CTNNA2: variants seen among roughly 807,000 people sequenced by gnomAD.
The protein encoded by CTNNA2 is catenin alpha 2, also known as catenin alpha-2.
In CTNNA2, 42 loss-of-function variants were observed where a neutral mutation model predicts 101.0. That is an observed-to-expected ratio of 0.42 (90% CI 0.32 to 0.54). The LOEUF (loss-of-function observed/expected upper bound fraction) is 0.54. CTNNA2 is among the 20% of genes least tolerant of loss of function. The probability of loss-of-function intolerance (pLI) is 0.14; values close to 1 mark genes in which losing one functional copy is unlikely to be tolerated. For synonymous variants in CTNNA2, 450 were observed against 456.4 expected (o/e 0.99, Z 0.18); for missense variants, 871 against 1,223.1 (o/e 0.71, Z 4.29).
At chr2:80,009,239 C>T (rs1693595705) in intron 7 of CTNNA2, among the ~76,000 whole-genome samples, 1 of 152,212 alleles carries the variant, frequency 6.6e-6, no homozygotes, top group Non-Finnish European at 1.5e-5. Flanking sequence ...CTTCTCCCCA[C>T]ACCTCCAGCT....
At chr2:80,215,387 G>T (rs1467177606) in intron 7 of CTNNA2, among the ~76,000 whole-genome samples, 6 of 152,108 alleles carry the variant, frequency 3.9e-5, no homozygotes, top group Non-Finnish European at 5.9e-5. Flanking sequence ...CCCTATCTTT[G>T]TGGTTTTATT....
At chr2:79,661,022 T>G (rs952948076) in intron 2 of CTNNA2, among the ~76,000 whole-genome samples, 6 of 152,214 alleles carry the variant, frequency 3.9e-5, no homozygotes, top group Admixed American at 3.9e-4. Flanking sequence ...AATCACTGTG[T>G]ATGATGTAAA....
chr2:79,413,280 A>C (rs1360552143), intron 4 of CTNNA2, among the ~76,000 whole-genome samples: 1 of 151,992 alleles, frequency 6.6e-6, no homozygotes, highest in Non-Finnish European at 1.5e-5. Context: ...GCTCATTTAG[A>C]GTCTATATAC....
At chr2:80,540,271 A>G (rs1691436077) in intron 9 of CTNNA2, among the ~76,000 whole-genome samples, 1 of 152,164 alleles carries the variant, frequency 6.6e-6, no homozygotes, top group Admixed American at 6.5e-5. Context: ...GTTGTAACAG[A>G]TATCTAGTTA....
intron 7 of CTNNA2, among the ~76,000 whole-genome samples, chr2:79,991,739 C>T (rs886851398): frequency 6.0e-4 from 91 of 152,212 alleles, no homozygotes; most frequent in African/African-American, 2.0e-3. Flanking sequence ...GGCCTCCATA[C>T]TTATTCATCC....
chr2:79,934,766 C>T (rs984994826), intron 7 of CTNNA2, among the ~76,000 whole-genome samples: 1 of 152,150 alleles, frequency 6.6e-6, no homozygotes, highest in Non-Finnish European at 1.5e-5. Flanking sequence ...ACATGGGACC[C>T]TTTGGTGTAA....
At chr2:80,215,101 G>T (rs1708171377) in intron 7 of CTNNA2, among the ~76,000 whole-genome samples, 1 of 152,034 alleles carries the variant, frequency 6.6e-6, no homozygotes, top group Non-Finnish European at 1.5e-5. Context: ...ATGGTTTTCA[G>T]CTCCATCAGG....
At chr2:79,544,607 A>G (rs990337568) in intron 1 of CTNNA2, among the ~76,000 whole-genome samples, 1 of 152,174 alleles carries the variant, frequency 6.6e-6, no homozygotes, top group African/African-American at 2.4e-5. Context: ...GGACATAGCT[A>G]TATTAGGTTT....
At chr2:79,989,335 G>C (rs1036261111) in intron 7 of CTNNA2, among the ~76,000 whole-genome samples, 2 of 152,168 alleles carry the variant, frequency 1.3e-5, no homozygotes, top group Non-Finnish European at 2.9e-5. Context: ...ACAAATTGGA[G>C]TATTAGGCTG....
chr2:79,506,268 A>C (rs1448369156), intron 5 of CTNNA2, among the ~76,000 whole-genome samples: 1 of 151,986 alleles, frequency 6.6e-6, no homozygotes, highest in Non-Finnish European at 1.5e-5. Flanking sequence ...ATTTTTTTCT[A>C]ACTCCCTAAA....
At chr2:79,307,600 A>G (rs1261563810) in intron 2 of CTNNA2, among the ~76,000 whole-genome samples, 1 of 152,010 alleles carries the variant, frequency 6.6e-6, no homozygotes, top group Admixed American at 6.6e-5. Context: ...TATATATATC[A>G]CCTTTTCTTT....
chr2:79,916,652 G>C (rs1241326498), intron 7 of CTNNA2, among the ~76,000 whole-genome samples: 1 of 147,646 alleles, frequency 6.8e-6, no homozygotes, highest in African/African-American at 2.5e-5. Flanking sequence ...GCATGATCTC[G>C]GCTAGCTGCA....
intron 3 of CTNNA2, among the ~76,000 whole-genome samples, chr2:79,856,688 T>C (rs558871818): frequency 6.6e-6 from 1 of 152,272 alleles, no homozygotes; most frequent in African/African-American, 2.4e-5. Flanking sequence ...CATTCCTGGG[T>C]CCCTTGATGC....
At position 80,007,884 on chromosome 2, in the gene CTNNA2, C is replaced by T. The variant is rs537367366; in HGVS notation, c.1056+98087C>T. Among the ~76,000 whole-genome samples, 15 of 152,282 alleles carry T rather than the reference C, an allele frequency of 9.9e-5. No individual in the cohort carries two copies. The South Asian group carries it at 1.7e-3, about 17-fold the overall frequency. Reference sequence around the variant, plus strand: ...CAGGTCAGGCCATGGGTTCAAGTTACACACGTGCTGGGAGATTCTTGCACA... The same window carrying T: ...CAGGTCAGGCCATGGGTTCAAGTTATACACGTGCTGGGAGATTCTTGCACA... On this transcript the variant is annotated intron_variant, in intron 7 of 18. Coordinates refer to ENST00000402739, the MANE Select transcript of CTNNA2 (RefSeq NM_001282597.3).
intron 7 of CTNNA2, among the ~76,000 whole-genome samples, chr2:79,915,106 T>C (rs1686100702): frequency 6.6e-6 from 1 of 152,050 alleles, no homozygotes; most frequent in Non-Finnish European, 1.5e-5. Context: ...CATGAGATGA[T>C]ATCCAGGGCC....
At chr2:79,277,322 C>A (rs1390241578) in intron 2 of CTNNA2, among the ~76,000 whole-genome samples, 1 of 152,036 alleles carries the variant, frequency 6.6e-6, no homozygotes, top group African/African-American at 2.4e-5. Flanking sequence ...CTCTGTGAAT[C>A]CACACGGCTG....
At chr2:79,829,915 G>T (rs1374311722) in intron 3 of CTNNA2, among the ~76,000 whole-genome samples, 3 of 151,878 alleles carry the variant, frequency 2.0e-5, no homozygotes, top group Admixed American at 6.6e-5. Flanking sequence ...TAGAGATGGG[G>T]TTTCAAACAT....
intron 7 of CTNNA2, among the ~76,000 whole-genome samples, chr2:80,050,600 C>T (rs1242926538): frequency 6.6e-6 from 1 of 152,202 alleles, no homozygotes; most frequent in Non-Finnish European, 1.5e-5. Context: ...AGTAAACAGA[C>T]CCCTGCGGGG....
chr2:80,483,954 A>G (rs187209222), intron 9 of CTNNA2, among the ~76,000 whole-genome samples: 1 of 152,340 alleles, frequency 6.6e-6, no homozygotes, highest in Non-Finnish European at 1.5e-5. Context: ...AATGAACTTC[A>G]TCATGGGTAA....
Sources: allele counts gnomAD v4.1 joint callset (sites outside exome capture counted in the v4.1 genomes callset), GRCh38; gene constraint gnomAD v4.1.1; transcripts MANE v1.5; gene names NCBI Gene and HGNC (gene_info 2026-07-23, HGNC 2026-07-21).